ATAD1: variants seen among roughly 807,000 people sequenced by gnomAD.
The protein encoded by ATAD1 is outer mitochondrial transmembrane helix translocase.
Under a neutral mutation model 42.7 loss-of-function variants are expected in ATAD1, and 18 were observed. That is an observed-to-expected ratio of 0.42 (90% CI 0.29 to 0.63). The LOEUF (loss-of-function observed/expected upper bound fraction) is 0.63. Among genes scored for constraint, ATAD1 ranks in the 20% least tolerant of loss-of-function variants. ATAD1 has a pLI of 0.19. For synonymous variants in ATAD1, 132 were observed against 143.1 expected (o/e 0.92, Z 0.55); for missense variants, 294 against 440.4 (o/e 0.67, Z 2.98).
upstream of ATAD1, among the ~76,000 whole-genome samples, chr10:87,821,616 G>T (rs1350103469): frequency 1.3e-5 from 2 of 152,154 alleles, no homozygotes; most frequent in Admixed American, 6.5e-5. Flanking sequence ...CTGGCTCCCA[G>T]TCTTCAGAGA....
chr10:87,757,549 G>A (rs1589455002), intron 8 of ATAD1, among the ~76,000 whole-genome samples: 1 of 152,066 alleles, frequency 6.6e-6, no homozygotes, highest in African/African-American at 2.4e-5. Context: ...TAAGCACTTT[G>A]CATGTATTAT....
intron 5 of ATAD1, among the ~76,000 whole-genome samples, chr10:87,778,177 T>C (rs899148774): frequency 3.2e-5 from 2 of 62,116 alleles, no homozygotes; most frequent in Admixed American, 3.0e-4. Context: ...TTAGAATAAA[T>C]TAAAAAAAAA....
At chr10:87,776,076 T>A (rs1315535685) in intron 6 of ATAD1, among the ~76,000 whole-genome samples, 1 of 152,228 alleles carries the variant, frequency 6.6e-6, no homozygotes, top group Admixed American at 6.5e-5. Context: ...TTTACTCTGG[T>A]GTTTTCTCTT....
At chr10:87,763,023 G>A (rs1213912169) in intron 8 of ATAD1, among the ~76,000 whole-genome samples, 1 of 133,322 alleles carries the variant, frequency 7.5e-6, no homozygotes, top group African/African-American at 2.9e-5. Flanking sequence ...GAAAGTTGCA[G>A]TGAGCCAAGA....
chr10:87,786,780 C>G (rs1437884247), intron 4 of ATAD1, among the ~76,000 whole-genome samples: 2 of 152,104 alleles, frequency 1.3e-5, no homozygotes, highest in East Asian at 3.9e-4. Flanking sequence ...TACGGTGAAA[C>G]CCCGACTCTA....
intron 4 of ATAD1, among the ~76,000 whole-genome samples, chr10:87,786,190 A>G (rs1182401650): frequency 6.6e-6 from 1 of 152,222 alleles, no homozygotes; most frequent in African/African-American, 2.4e-5. Flanking sequence ...CATATCCATT[A>G]TAAAACTTTT....
At chr10:87,828,839 C>T (rs1402650496) in intron 1 of ATAD1, among the ~76,000 whole-genome samples, 1 of 152,204 alleles carries the variant, frequency 6.6e-6, no homozygotes, top group Non-Finnish European at 1.5e-5. Context: ...AAGAGTTACT[C>T]TGTATCTACT....
intron 1 of ATAD1, 125 bp downstream of exon 1, chr10:87,818,042 T>C (rs1358914612): frequency 2.0e-6 from 2 of 985,248 alleles, no homozygotes; most frequent in African/African-American, 3.5e-5. Flanking sequence ...GGCACTGAGG[T>C]AGGGCGTGGG....
rs1854816732 is a variant in ATAD1 at position 87,767,540 on chromosome 10, AC to A, written c.831+132del. The A allele has an allele frequency of 3.6e-6, 3 of 824,962 alleles. No homozygotes were observed. The South Asian group carries it at 4.4e-5, about 12-fold the overall frequency. 51.1% of individuals were successfully genotyped at this position (824,962 alleles called of 1,614,324 possible). A position where few individuals can be genotyped will look rare whatever the true frequency, so the allele number is the denominator to read the frequency against. On this transcript the variant is annotated intron_variant, in intron 8 of 9. Transcript: ENST00000680024. The stretch of plus-strand genomic sequence containing the variant: ...AGTTCCTAACAGGCCATAGACCAGT[AC>A]CAGTCTGTGGCTGCAGGGGCTGGAG...
chr10:87,774,438 T>C (rs1381846056), intron 6 of ATAD1, among the ~76,000 whole-genome samples: 1 of 152,128 alleles, frequency 6.6e-6, no homozygotes, highest in Non-Finnish European at 1.5e-5. Flanking sequence ...CTAATCCAAT[T>C]AGAAACATGA....
intron 5 of ATAD1, among the ~76,000 whole-genome samples, chr10:87,783,333 C>G (rs191896372): frequency 2.0e-5 from 3 of 151,760 alleles, no homozygotes; most frequent in African/African-American, 7.3e-5. Context: ...GATCACGCCA[C>G]TGCATTCCAG....
At chr10:87,801,919 A>C (rs1856714805) in intron 2 of ATAD1, among the ~76,000 whole-genome samples, 1 of 152,184 alleles carries the variant, frequency 6.6e-6, no homozygotes, top group Non-Finnish European at 1.5e-5. Flanking sequence ...AGAAGACTGA[A>C]GTTATCTTTT....
At chr10:87,797,694 G>A (rs146159404) in intron 2 of ATAD1, among the ~76,000 whole-genome samples, 67 of 152,262 alleles carry the variant, frequency 4.4e-4, no homozygotes, top group Admixed American at 2.6e-3. Context: ...GTGTAATGGT[G>A]AATGAGAGCT....
chr10:87,787,328 T>C (rs959915271), intron 4 of ATAD1, among the ~76,000 whole-genome samples: 2 of 152,134 alleles, frequency 1.3e-5, no homozygotes, highest in South Asian at 2.1e-4. Context: ...AAATAAAAGA[T>C]TTAGGAAGAG....
chr10:87,804,084 A>G (rs1023506864), intron 2 of ATAD1, among the ~76,000 whole-genome samples: 1 of 152,180 alleles, frequency 6.6e-6, no homozygotes, highest in East Asian at 1.9e-4. Context: ...AGCTCTTCCA[A>G]GTTGGCATTC....
chr10:87,798,397 T>A (rs1052755320), intron 2 of ATAD1, among the ~76,000 whole-genome samples: 15 of 152,196 alleles, frequency 9.9e-5, no homozygotes, highest in Middle Eastern at 3.2e-3. Flanking sequence ...ATGGTCTTTG[T>A]GCACATTTAC....
intron 4 of ATAD1, among the ~76,000 whole-genome samples, chr10:87,785,227 T>G (rs907899176): frequency 6.6e-6 from 1 of 152,134 alleles, no homozygotes; most frequent in African/African-American, 2.4e-5. Context: ...TGGTCTCCAT[T>G]AACAGCATTT....
intron 7 of ATAD1, among the ~76,000 whole-genome samples, chr10:87,769,531 A>G (rs1854928649): frequency 6.6e-6 from 1 of 152,192 alleles, no homozygotes; most frequent in South Asian, 2.1e-4. Flanking sequence ...ACCTTCATAA[A>G]GCATATTTTA....
intron 4 of ATAD1, among the ~76,000 whole-genome samples, chr10:87,788,462 A>G (rs951483444): frequency 2.6e-5 from 4 of 152,242 alleles, no homozygotes; most frequent in Non-Finnish European, 4.4e-5. Context: ...GTCCAGACAT[A>G]AAGGTGAAAA....
Sources: gnomAD v4.1 joint callset for allele counts (sites outside exome capture counted in the v4.1 genomes callset) on GRCh38, gnomAD v4.1.1 for gene constraint, MANE v1.5 for transcripts, NCBI Gene and HGNC (gene_info 2026-07-23, HGNC 2026-07-21) for gene names.